The following TLE4 variants were observed in gnomAD, a reference collection of about 807,000 sequenced individuals.
TLE4 encodes transducin-like enhancer protein 4.
Under a neutral mutation model 92.8 loss-of-function variants are expected in TLE4, and 8 were observed. That is an observed-to-expected ratio of 0.09 (90% confidence interval 0.05 to 0.16). The LOEUF (loss-of-function observed/expected upper bound fraction) is 0.16. Ranked by LOEUF, TLE4 falls within the 10% of genes least tolerant of loss-of-function variation. The pLI, the probability that TLE4 is intolerant of heterozygous loss-of-function variation, is 1.00. For synonymous variants in TLE4, 371 were observed against 374.1 expected, an observed-to-expected ratio of 0.99 and a Z score of 0.10; for missense variants, 675 against 997.6, an observed-to-expected ratio of 0.68 and a Z score of 4.36.
At chr9:79,643,370 C>T (rs1453088997) in intron 6 of TLE4, among the ~76,000 whole-genome samples, 1 of 152,170 alleles carries the variant, frequency 6.6e-6, no homozygotes, top group African/African-American at 2.4e-5. Context: ...AAGCATAATA[C>T]CATTAACACA....
intron 4 of TLE4, among the ~76,000 whole-genome samples, chr9:79,590,319 T>C (rs1252545584): frequency 1.3e-5 from 2 of 152,240 alleles, no homozygotes; most frequent in Non-Finnish European, 2.9e-5. Context: ...AAAATTCCAA[T>C]GTGTGCTTCT....
intron 8 of TLE4, among the ~76,000 whole-genome samples, chr9:79,681,062 C>G (rs1009361565): frequency 6.6e-6 from 1 of 152,102 alleles, no homozygotes; most frequent in Admixed American, 6.6e-5. Flanking sequence ...CATCAATGTT[C>G]ATCAAGGATA....
chr9:79,625,551 C>T (rs2052394885), intron 5 of TLE4, among the ~76,000 whole-genome samples: 1 of 152,024 alleles, frequency 6.6e-6, no homozygotes, highest in Non-Finnish European at 1.5e-5. Context: ...ATCCCATAAA[C>T]ATTTCTATCC....
intron 5 of TLE4, among the ~76,000 whole-genome samples, chr9:79,617,872 G>A (rs191663072): frequency 1.7e-4 from 26 of 151,578 alleles, no homozygotes; most frequent in Admixed American, 7.2e-4. Context: ...TCATGTAATA[G>A]TAACAGTTGA....
In TLE4 at chr9:79,600,410, T is replaced by C. The variant is rs1355383214; in HGVS notation, c.253-12246T>C. Among the ~76,000 whole-genome samples the C allele has an allele frequency of 3.9e-5, 6 of 152,132 alleles. 1 individual carries two copies. The South Asian group carries it at 8.3e-4, about 21-fold the overall frequency. On this transcript the variant is annotated intron_variant, in intron 4 of 19. Coordinates refer to ENST00000376552, the MANE Select transcript of TLE4 (RefSeq NM_007005.6). ...TGTCTCGGGTGGCTTCCCCCAGCCATTGAAGGAACTTGAGTGAGGAATCAG... is the reference window on the plus strand; with the variant it reads ...TGTCTCGGGTGGCTTCCCCCAGCCACTGAAGGAACTTGAGTGAGGAATCAG...
intron 4 of TLE4, among the ~76,000 whole-genome samples, chr9:79,611,198 A>G (rs2048293345): frequency 6.6e-6 from 1 of 152,008 alleles, no homozygotes. Context: ...GGTGATTCCC[A>G]TTGCAGCTCT....
chr9:79,654,199 A>G, intron 8 of TLE4, 124 bp downstream of exon 8: 1 of 928,682 alleles, frequency 1.1e-6, no homozygotes. Context: ...GGTTAACTGC[A>G]TTTTTAAAAT....
At chr9:79,598,086 A>AC (rs1380436766) in intron 4 of TLE4, among the ~76,000 whole-genome samples, 10 of 150,284 alleles carry the variant, frequency 6.7e-5, no homozygotes, top group African/African-American at 2.4e-4. Context: ...AAAAAAAAAA[A>AC]AAAAAAAAAA....
intron 6 of TLE4, among the ~76,000 whole-genome samples, chr9:79,638,064 A>G (rs963924152): frequency 3.9e-5 from 6 of 152,176 alleles, no homozygotes; most frequent in Non-Finnish European, 8.8e-5. Flanking sequence ...ATGGTTGTTC[A>G]GAAACTTGGA....
Position 79,720,377 on chromosome 9 carries a change from G to GGGGTGTGTGT in TLE4, c.1838+85_1838+86insGGTGTGTGTG, listed in dbSNP as rs1263740198. Reference sequence around the variant, plus strand: ...CCAAAGTGCTGTGTATATAGGTATGGGTGTGTGTGTGTGTGTGTGTGTGTG... The same window carrying GGGGTGTGTGT: ...CCAAAGTGCTGTGTATATAGGTATGGGGGTGTGTGTGTGTGTGTGTGTGTGTGTGTGTGTG... On this transcript the variant is annotated intron_variant, in intron 16 of 19. Transcript: ENST00000376552. The GGGGTGTGTGT allele has an allele frequency of 4.7e-5, 15 of 316,574 alleles. 3 individuals are homozygous for GGGGTGTGTGT. Among genetic ancestry groups the GGGGTGTGTGT allele is most frequent in the African/African-American group, 3.5e-4 (10 of 28,566 alleles). 19.6% of individuals were successfully genotyped at this position (316,574 alleles called of 1,614,324 possible). A position where few individuals can be genotyped will look rare whatever the true frequency, so the allele number is the denominator to read the frequency against.
At chr9:79,698,725 A>C (rs1464926410) in intron 8 of TLE4, among the ~76,000 whole-genome samples, 3 of 152,074 alleles carry the variant, frequency 2.0e-5, no homozygotes, top group Non-Finnish European at 2.9e-5. Context: ...TACCACCAGC[A>C]TGCTATAAAT....
At chr9:79,577,855 T>C (rs575827727) in intron 4 of TLE4, among the ~76,000 whole-genome samples, 8 of 152,304 alleles carry the variant, frequency 5.3e-5, no homozygotes, top group African/African-American at 1.9e-4. Flanking sequence ...CTGTATGTAT[T>C]TCTTTTTCGA....
intron 14 of TLE4, among the ~76,000 whole-genome samples, chr9:79,717,030 G>A (rs1048522757): frequency 6.6e-6 from 1 of 152,112 alleles, no homozygotes; most frequent in African/African-American, 2.4e-5. Context: ...AACTACTCTG[G>A]CCGGAGATTC....
intron 8 of TLE4, 58 bp downstream of exon 8, chr9:79,654,133 A>G (rs2059420446): frequency 6.6e-7 from 1 of 1,507,264 alleles, no homozygotes; most frequent in Admixed American, 1.7e-5. Context: ...AATGATTTGA[A>G]TGAATCTAGT....
At chr9:79,693,116 T>C (rs1275825345) in intron 8 of TLE4, among the ~76,000 whole-genome samples, 1 of 152,196 alleles carries the variant, frequency 6.6e-6, no homozygotes, top group Non-Finnish European at 1.5e-5. Flanking sequence ...TTCACTGTTG[T>C]GTTTCCAGTG....
At chr9:79,717,961 G>T (rs1387567053) in intron 14 of TLE4, 1 of 456,546 alleles carries the variant, frequency 2.2e-6, no homozygotes, top group Non-Finnish European at 4.4e-6. Flanking sequence ...AAATGAGTCT[G>T]TTGGGGGAGA....
intron 6 of TLE4, among the ~76,000 whole-genome samples, chr9:79,628,020 T>C (rs967961597): frequency 1.3e-5 from 2 of 152,038 alleles, no homozygotes; most frequent in Admixed American, 6.6e-5. Flanking sequence ...TAATGTTGCA[T>C]AGAAATTGTG....
intron 8 of TLE4, among the ~76,000 whole-genome samples, chr9:79,686,565 A>G (rs2135423005): frequency 6.6e-6 from 1 of 152,320 alleles, no homozygotes; most frequent in Non-Finnish European, 1.5e-5. Flanking sequence ...TTGACGATAC[A>G]GAGGAGGCAC....
intron 4 of TLE4, among the ~76,000 whole-genome samples, chr9:79,586,410 A>G (rs2038172415): frequency 6.6e-6 from 1 of 152,162 alleles, no homozygotes; most frequent in South Asian, 2.1e-4. Flanking sequence ...AATTGTATGA[A>G]TTATAAAGTG....
Sources: allele counts gnomAD v4.1 joint callset (sites outside exome capture counted in the v4.1 genomes callset), GRCh38; gene constraint gnomAD v4.1.1; transcripts MANE v1.5; gene names NCBI Gene and HGNC (gene_info 2026-07-23, HGNC 2026-07-21).